Variants in CDH23 observed in about 807,000 individuals in gnomAD.
CDH23 encodes cadherin-23.
CDH23 carries 189 observed loss-of-function variants against 317.1 expected under a neutral mutation model. The ratio of observed to expected loss-of-function variants is 0.60; its 90% confidence interval spans 0.53 to 0.67. The LOEUF (loss-of-function observed/expected upper bound fraction) is 0.67, where lower values mean the gene tolerates loss of function less well. Among genes scored for constraint, CDH23 ranks in the 30% least tolerant of loss-of-function variants. The pLI is 0.00. For missense variants in CDH23, 4,401 were observed against 4,592.4 expected (o/e 0.96, Z 1.20); for synonymous variants, 1,839 against 1,876.8 (o/e 0.98, Z 0.52).
intron 26 of CDH23, chr10:71,707,460 T>C: frequency 8.4e-7 from 1 of 1,192,598 alleles, no homozygotes; most frequent in Non-Finnish European, 1.0e-6. Context: ...CCCACCTGTT[T>C]AGAGGCAGAT....
chr10:71,523,579 T>C (rs1402145865), intron 6 of CDH23, among the ~76,000 whole-genome samples: 1 of 151,944 alleles, frequency 6.6e-6, no homozygotes. Context: ...GAGGCACGGG[T>C]CGGAGCCAGC....
At chr10:71,588,122 G>A (rs1859206341) in intron 9 of CDH23, among the ~76,000 whole-genome samples, 1 of 152,150 alleles carries the variant, frequency 6.6e-6, no homozygotes, top group South Asian at 2.1e-4. Context: ...GCAGCCAGAT[G>A]GAGTTCTAGT....
At chr10:71,715,835 T>A (rs1027769166) in intron 28 of CDH23, 11 of 1,211,538 alleles carry the variant, frequency 9.1e-6, no homozygotes, top group Middle Eastern at 2.0e-4. Flanking sequence ...CCCAGACTGC[T>A]TGGGCCACTG....
intron 38 of CDH23, 144 bp from the exon 39 acceptor site, chr10:71,777,536 C>A (rs1427807439): frequency 1.4e-6 from 1 of 702,212 alleles, no homozygotes; most frequent in Non-Finnish European, 2.4e-6. Flanking sequence ...TCTCTACCAG[C>A]CTGTGACCCA....
chr10:71,477,749 A>G (rs1261837954), intron 3 of CDH23, among the ~76,000 whole-genome samples: 1 of 152,182 alleles, frequency 6.6e-6, no homozygotes, highest in Non-Finnish European at 1.5e-5. Flanking sequence ...TTTGTATGCC[A>G]ACTTTCTTGT....
At chr10:71,497,296 T>C (rs1028757385) in intron 3 of CDH23, among the ~76,000 whole-genome samples, 3 of 152,024 alleles carry the variant, frequency 2.0e-5, no homozygotes, top group African/African-American at 7.3e-5. Flanking sequence ...ATTGAAAAGT[T>C]TCAGGAGAGG....
At position 71,803,253 on chromosome 10, in the gene CDH23, C is replaced by A. The variant is rs1282822628; in HGVS notation, c.7705C>A (p.Arg2569=). 2.6e-5 allele frequency: 42 copies of A among 1,597,924 alleles called. No homozygotes were observed. The highest frequency in any genetic ancestry group is 3.2e-5 in the Non-Finnish European group (37 of 1,171,702). ...GGACTCGGGCTTGGTGACCACACAG[C>A]GGCCACTGCAGTCCTACGAGAAGTT... ...DMDSGLVTTQ[R]PLQSYEKFSL... The change falls in exon 55 of 70, where the codon CGG becomes AGG. Residue 2569 remains arginine, a synonymous_variant. Coordinates refer to ENST00000224721, the MANE Select transcript of CDH23 (RefSeq NM_022124.6).
In CDH23 at chr10:71,812,006, C is replaced by G; in HGVS notation, c.9371C>G (p.Ser3124Cys). 6.2e-7 allele frequency: 1 copy of G among 1,613,774 alleles called. No homozygotes were observed. Among genetic ancestry groups the G allele is most frequent in the Non-Finnish European group, 8.5e-7 (1 of 1,179,764 alleles). Residue 3124 changes from serine (S) to cysteine (C), a missense_variant, in exon 66 of 70, where the codon TCC becomes TGC. Ser to Cys is a moderately radical substitution (Grantham distance 112, BLOSUM62 -1). Coordinates refer to ENST00000224721, the MANE Select transcript of CDH23 (RefSeq NM_022124.6). ...IMDMPNTNKY[S>C]FDGANPVWLD... ...GACATGCCTAACACCAACAAGTACT[C>G]CTTTGATGGGTGAGTGGGGTACTGG...
At position 71,811,475 on chromosome 10, in the gene CDH23, C is replaced by T. The variant is rs369531176; in HGVS notation, c.9199-36C>T. 5.3e-5 allele frequency: 86 copies of T among 1,613,916 alleles called. No homozygotes were observed. In the Middle Eastern group the frequency reaches 6.6e-4, roughly 12 times the overall value. ...TGCCCCACAGCCCTAGCCGCCCTCC[C>T]CACTGCCCGGGCTTACCCTGGTCCT... is the stretch of plus-strand genomic sequence containing the variant. On this transcript the variant is annotated intron_variant, in intron 63 of 69. Transcript: ENST00000224721.
At chr10:71,570,345 G>A (rs993202561) in intron 7 of CDH23, among the ~76,000 whole-genome samples, 1 of 152,138 alleles carries the variant, frequency 6.6e-6, no homozygotes, top group African/African-American at 2.4e-5. Context: ...GGGATGAGTG[G>A]GGGCAGGAAG....
chr10:71,741,934 G>C lies in CDH23; in HGVS notation c.4845+13G>C, dbSNP rs1414194229. On this transcript the variant is annotated intron_variant, in intron 38 of 69. Transcript: ENST00000224721. Reference sequence around the variant, plus strand: ...CCCAACCCTGTCGGTGAGCGATGGGGGTGGCCACAGGGAGGAGCGGGTGGG... The same window carrying C: ...CCCAACCCTGTCGGTGAGCGATGGGCGTGGCCACAGGGAGGAGCGGGTGGG... The C allele has an allele frequency of 6.4e-7, 1 of 1,563,944 alleles. No individual in the cohort carries two copies. The highest frequency in any genetic ancestry group is 1.8e-5 in the Admixed American group (1 of 54,210).
intron 14 of CDH23, among the ~76,000 whole-genome samples, chr10:71,670,603 G>A (rs912470284): frequency 3.3e-5 from 5 of 152,156 alleles, no homozygotes; most frequent in African/African-American, 1.2e-4. Flanking sequence ...AAAGGATAGA[G>A]GAACCAGCAA....
At chr10:71,468,658 T>C (rs1851365935) in intron 3 of CDH23, among the ~76,000 whole-genome samples, 2 of 152,332 alleles carry the variant, frequency 1.3e-5, no homozygotes, top group South Asian at 4.1e-4. Flanking sequence ...GATCTGTCAC[T>C]GGAAATGGTG....
chr10:71,649,033 G>A (rs1461708535), intron 14 of CDH23, among the ~76,000 whole-genome samples: 1 of 152,172 alleles, frequency 6.6e-6, no homozygotes, highest in East Asian at 1.9e-4. Flanking sequence ...ATGGGCCCCA[G>A]AGCTAGTAAG....
At chr10:71,520,377 G>C (rs1015483304) in intron 6 of CDH23, among the ~76,000 whole-genome samples, 28 of 152,228 alleles carry the variant, frequency 1.8e-4, no homozygotes, top group African/African-American at 6.8e-4. Context: ...AACCAGCACA[G>C]GGTGACCCTG....
Position 71,652,608 on chromosome 10 carries a change from G to T in CDH23, c.1449+5991G>T, listed in dbSNP as rs375702972. On this transcript the variant is annotated intron_variant, in intron 14 of 69. Transcript: ENST00000224721. ...GCCTCAGTTTCCTCTTCTGTGAGCT[G>T]GGGGAGATAACCTGCTAGGAGCCTA... Among the ~76,000 whole-genome samples the T allele has an allele frequency of 6.5e-4, 99 of 152,322 alleles. 1 individual carries two copies. Among genetic ancestry groups the T allele is most frequent in the African/African-American group, 2.3e-3 (95 of 41,576 alleles).
At chr10:71,792,838 AAAAAAAAAAAAAAAATATATAT>A (rs71018223) in intron 47 of CDH23, among the ~76,000 whole-genome samples, 4,736 of 79,694 alleles carry the variant, frequency 0.059, 195 homozygotes, top group East Asian at 0.27. Flanking sequence ...AAAAAAAAAA[AAAAAAAAAAAAAAAATATATAT>A]ATATATATAT....
rs779502033 is a variant in CDH23 at position 71,617,388 on chromosome 10, G to A, written c.1129G>A (p.Asp377Asn). The change falls in exon 11 of 70, where the codon GAT becomes AAT. Residue 377 changes from aspartate (D) to asparagine (N), a missense_variant. Transcript: ENST00000224721. ...ACTCTTCATCCAGGTGGTGGACAAG[G>A]ATGAGGTGAGTCCCTGGACACATGG... The part of the protein sequence containing the change: ...LPLFIQVVDK[D>N]ENLGLNSMFE... 6.2e-7 allele frequency: 1 copy of A among 1,613,302 alleles called. No individual in the cohort carries two copies. The highest frequency in any genetic ancestry group is 8.5e-7 in the Non-Finnish European group (1 of 1,179,864).
intron 18 of CDH23, among the ~76,000 whole-genome samples, chr10:71,686,565 G>A (rs1864906375): frequency 6.6e-6 from 1 of 152,188 alleles, no homozygotes; most frequent in African/African-American, 2.4e-5. Context: ...AGCGACTCCA[G>A]CAAAGGGGGC....
Sources: allele counts gnomAD v4.1 joint callset (sites outside exome capture counted in the v4.1 genomes callset), GRCh38; gene constraint gnomAD v4.1.1; transcripts MANE v1.5; gene names NCBI Gene and HGNC (gene_info 2026-07-23, HGNC 2026-07-21).